Variants in ZNF676 observed in about 807,000 individuals in gnomAD.
ZNF676 encodes the protein zinc finger protein 676.
A neutral mutation model predicts 6.0 loss-of-function variants in ZNF676; 4 were observed. That is an observed-to-expected ratio of 0.67 (90% CI 0.33 to 1.53). The LOEUF (loss-of-function observed/expected upper bound fraction) is 1.53. Among genes scored for constraint, ZNF676 ranks in the 40% most tolerant of loss-of-function variants. The pLI is 0.06. For missense variants in ZNF676, 644 were observed against 679.7 expected, an observed-to-expected ratio of 0.95 and a Z score of 0.58; for synonymous variants, 198 against 223.1, an observed-to-expected ratio of 0.89 and a Z score of 1.00.
chr19:22,228,027 C>A, the ZNF676 span, among the ~76,000 whole-genome samples: 2 of 152,158 alleles, frequency 1.3e-5, no homozygotes, highest in African/African-American at 4.8e-5. Flanking sequence ...CATCCTGATA[C>A]CAAAGCTGGC....
At chr19:22,199,343 A>C (rs531215756), upstream of ZNF676, among the ~76,000 whole-genome samples, 3 of 152,294 alleles carry the variant, frequency 2.0e-5, no homozygotes, top group South Asian at 6.2e-4. Context: ...CTTCATCCTA[A>C]AGTATTATAT....
chr19:22,188,135 C>G (rs1311003738), intron 2 of ZNF676, among the ~76,000 whole-genome samples: 10 of 152,090 alleles, frequency 6.6e-5, no homozygotes, highest in Non-Finnish European at 2.9e-5. Flanking sequence ...TAAACCGAAT[C>G]CAGCAGCACA....
chr19:22,212,967 C>T (rs2024145280), intron 1 of ZNF676, among the ~76,000 whole-genome samples: 1 of 151,946 alleles, frequency 6.6e-6, no homozygotes, highest in African/African-American at 2.4e-5. Context: ...TGCACTCCAG[C>T]CTGGGCGACA....
chr19:22,222,848 T>C, the ZNF676 span, among the ~76,000 whole-genome samples: 16 of 152,314 alleles, frequency 1.1e-4, no homozygotes, highest in South Asian at 1.0e-3. Flanking sequence ...TTCAGGACTT[T>C]CATCTGTAGA....
At chr19:22,251,259 G>T in the ZNF676 span, among the ~76,000 whole-genome samples, 1 of 152,112 alleles carries the variant, frequency 6.6e-6, no homozygotes, top group Non-Finnish European at 1.5e-5. Context: ...TAAGACTAAA[G>T]CTTTTTATGC....
chr19:22,244,468 A>C, the ZNF676 span: 2 of 152,200 alleles, frequency 1.3e-5, no homozygotes, highest in African/African-American at 4.8e-5. Flanking sequence ...TCATCATAGC[A>C]CCTATGAGTT....
At position 22,181,116 on chromosome 19, in the gene ZNF676, C is replaced by A; in HGVS notation, c.601G>T (p.Glu201Ter). ...HTGEKPYKCE[E>*]CGKAFSKFSI... ...AACTTACTAAAGGCTTTGCCACATT[C>A]TTCACATTTGTAGGGTTTCTCTCCA... The change falls in exon 3 of 3, where the codon GAA (glutamate) becomes TAA (stop). Residue 201 changes from glutamate (E) to a stop codon, truncating the protein, a stop_gained. Coordinates refer to ENST00000397121, the MANE Select transcript of ZNF676 (RefSeq NM_001001411.3). LOFTEE classifies it low-confidence loss of function (END_TRUNC). The A allele has an allele frequency of 6.2e-7, 1 of 1,613,724 alleles. No homozygotes were observed. Among genetic ancestry groups the A allele is most frequent in the African/African-American group, 1.3e-5 (1 of 75,032 alleles).
chr19:22,224,394 A>G, the ZNF676 span, among the ~76,000 whole-genome samples: 9 of 150,400 alleles, frequency 6.0e-5, no homozygotes, highest in African/African-American at 2.2e-4. Flanking sequence ...CAATCAGATT[A>G]TATATTTGTG....
At chr19:22,214,526 G>C (rs1342559273) in intron 1 of ZNF676, among the ~76,000 whole-genome samples, 1 of 150,452 alleles carries the variant, frequency 6.6e-6, no homozygotes, top group Non-Finnish European at 1.5e-5. Context: ...TTGAACCTGG[G>C]AGGCGGAGAG....
chr19:22,192,639 A>C (rs889058536), intron 2 of ZNF676, among the ~76,000 whole-genome samples: 1 of 152,150 alleles, frequency 6.6e-6, no homozygotes, highest in Non-Finnish European at 1.5e-5. Flanking sequence ...CACTACTCTC[A>C]CACACTTCAG....
the ZNF676 span, among the ~76,000 whole-genome samples, chr19:22,221,066 AT>A: frequency 6.6e-6 from 1 of 151,862 alleles, no homozygotes; most frequent in Non-Finnish European, 1.5e-5. Context: ...TTTCAAATTT[AT>A]TTAGTTCTTC....
intron 1 of ZNF676, among the ~76,000 whole-genome samples, chr19:22,205,281 C>A (rs1302596815): frequency 6.6e-6 from 1 of 152,138 alleles, no homozygotes; most frequent in Admixed American, 6.5e-5. Context: ...AGGACCTGAA[C>A]TCAACACCTG....
chr19:22,247,395 C>T, the ZNF676 span, among the ~76,000 whole-genome samples: 102 of 152,024 alleles, frequency 6.7e-4, no homozygotes, highest in Admixed American at 7.9e-4. Flanking sequence ...GAAAACCCAT[C>T]TCTACTAAAA....
chr19:22,248,170 C>T, the ZNF676 span, among the ~76,000 whole-genome samples: 1 of 152,036 alleles, frequency 6.6e-6, no homozygotes, highest in African/African-American at 2.4e-5. Context: ...GGGTTGGTTC[C>T]AAGTCTTTAC....
At chr19:22,203,913 A>T (rs192753059) in intron 1 of ZNF676, 2 of 152,234 alleles carry the variant, frequency 1.3e-5, no homozygotes, top group African/African-American at 4.8e-5. Flanking sequence ...ATTTTAAAAG[A>T]TTTATCTTCC....
chr19:22,208,996 T>A (rs1266151211), intron 1 of ZNF676, among the ~76,000 whole-genome samples: 2 of 151,950 alleles, frequency 1.3e-5, no homozygotes, highest in African/African-American at 4.8e-5. Context: ...CCGGGTGCAG[T>A]GGCTCACACC....
the ZNF676 span, among the ~76,000 whole-genome samples, chr19:22,223,531 A>ATT: frequency 6.8e-6 from 1 of 146,570 alleles, no homozygotes; most frequent in South Asian, 2.2e-4. Context: ...TTTTTTTTAA[A>ATT]TTTTACTGAT....
chr19:22,205,117 G>C (rs1417427155), intron 1 of ZNF676, among the ~76,000 whole-genome samples: 4 of 152,016 alleles, frequency 2.6e-5, no homozygotes, highest in Non-Finnish European at 5.9e-5. Flanking sequence ...AAGCAGAAGA[G>C]AGAAAATTGT....
chr19:22,223,086 A>G, the ZNF676 span, among the ~76,000 whole-genome samples: 65,147 of 151,828 alleles, frequency 0.43, 14,937 homozygotes, highest in African/African-American at 0.59. Context: ...GGAAGGGCAG[A>G]AGCTCTCCCA....
Sources: allele counts gnomAD v4.1 joint callset (sites outside exome capture counted in the v4.1 genomes callset), GRCh38; gene constraint gnomAD v4.1.1; transcripts MANE v1.5; gene names NCBI Gene and HGNC (gene_info 2026-07-23, HGNC 2026-07-21).